The following BRINP1 variants were observed in gnomAD, a reference collection of about 807,000 sequenced individuals.
BRINP1 encodes BMP/retinoic acid inducible neural specific 1, also known as BMP/retinoic acid-inducible neural-specific protein 1.
Under a neutral mutation model 72.9 loss-of-function variants are expected in BRINP1, and 17 were observed. That is an observed-to-expected ratio of 0.23 (90% CI 0.16 to 0.35). The LOEUF (loss-of-function observed/expected upper bound fraction) is 0.35, where lower values mean the gene tolerates loss of function less well. Ranked by LOEUF, BRINP1 falls within the 10% of genes least tolerant of loss-of-function variation. The pLI is 1.00. For missense variants in BRINP1, 850 were observed against 1,001.6 expected (o/e 0.85, Z 2.04); for synonymous variants, 418 against 378.5 (o/e 1.10, Z -1.21).
chr9:119,249,001 T>C lies in BRINP1; in HGVS notation c.368A>G (p.Lys123Arg), dbSNP rs1262332125. The C allele has an allele frequency of 1.9e-6, 3 of 1,613,946 alleles. No homozygotes were observed. Among genetic ancestry groups the C allele is most frequent in the Non-Finnish European group, 2.5e-6 (3 of 1,179,972 alleles). ...TTQQFIDTII[K>R]KYGTHLLISA... is the part of the protein sequence containing the mutation. ...GATGAGCAGGTGGGTGCCGTACTTTTTGATGATGGTATCGATGAACTGCTG... is the reference window on the plus strand; with the variant it reads ...GATGAGCAGGTGGGTGCCGTACTTTCTGATGATGGTATCGATGAACTGCTG... Residue 123 changes from lysine to arginine, a missense_variant, in exon 3 of 8, where the codon AAA becomes AGA. By Grantham distance (26) the Lys-to-Arg change is conservative (BLOSUM62 2). Transcript: ENST00000265922.
chr9:119,347,038 C>G (rs1465994710), intron 1 of BRINP1, among the ~76,000 whole-genome samples: 3 of 152,146 alleles, frequency 2.0e-5, no homozygotes. Context: ...GAAAGTTGCC[C>G]ACATAGACTT....
At chr9:119,238,592 T>C (rs1245425013) in intron 5 of BRINP1, 63 bp downstream of exon 5, 2 of 981,432 alleles carry the variant, frequency 2.0e-6, no homozygotes, top group Non-Finnish European at 3.2e-6. Flanking sequence ...TGATCCCCTC[T>C]CCCACATATC....
At chr9:119,169,892 G>T (rs1221794991) in intron 7 of BRINP1, among the ~76,000 whole-genome samples, 1 of 152,086 alleles carries the variant, frequency 6.6e-6, no homozygotes, top group African/African-American at 2.4e-5. Flanking sequence ...CACAGGCAGG[G>T]TATTCCAACA....
intron 5 of BRINP1, among the ~76,000 whole-genome samples, chr9:119,218,069 A>T (rs10984444): frequency 6.6e-6 from 1 of 151,814 alleles, no homozygotes; most frequent in Non-Finnish European, 1.5e-5. Context: ...TATTTCTAAT[A>T]GTTTTTCTAT....
At chr9:119,288,196 T>C (rs1046909315) in intron 2 of BRINP1, among the ~76,000 whole-genome samples, 6 of 152,210 alleles carry the variant, frequency 3.9e-5, no homozygotes, top group African/African-American at 1.2e-4. Context: ...TCCCTTCACC[T>C]GAAGAGATTC....
chr9:119,252,134 A>G (rs935790927), intron 2 of BRINP1, among the ~76,000 whole-genome samples: 1 of 151,900 alleles, frequency 6.6e-6, no homozygotes, highest in African/African-American at 2.4e-5. Flanking sequence ...GAGATGCTCT[A>G]TGGAGACATC....
chr9:119,359,844 T>C (rs1831610366), intron 1 of BRINP1, among the ~76,000 whole-genome samples: 1 of 152,196 alleles, frequency 6.6e-6, no homozygotes, highest in South Asian at 2.1e-4. Context: ...ACAAAGAATA[T>C]GTCACATGCT....
chr9:119,206,419 CAAAAAA>C (rs56106482), intron 7 of BRINP1, among the ~76,000 whole-genome samples: 7 of 87,180 alleles, frequency 8.0e-5, no homozygotes, highest in African/African-American at 2.6e-4. Context: ...GACTCCATCT[CAAAAAA>C]AAAAAAAAAA....
chr9:119,273,809 G>GA (rs1252929937), intron 2 of BRINP1, among the ~76,000 whole-genome samples: 1 of 152,172 alleles, frequency 6.6e-6, no homozygotes, highest in Non-Finnish European at 1.5e-5. Context: ...GTAAAGCCAA[G>GA]ATGCAAAAGT....
chr9:119,254,522 G>A (rs1293409935), intron 2 of BRINP1, among the ~76,000 whole-genome samples: 1 of 152,128 alleles, frequency 6.6e-6, no homozygotes, highest in Non-Finnish European at 1.5e-5. Context: ...ATGAGTAGAG[G>A]GGTGATATGG....
At chr9:119,346,614 C>T (rs1028406235) in intron 1 of BRINP1, among the ~76,000 whole-genome samples, 1 of 151,668 alleles carries the variant, frequency 6.6e-6, no homozygotes, top group Non-Finnish European at 1.5e-5. Flanking sequence ...CAGAAAGGTA[C>T]GTACATGAAA....
At chr9:119,184,263 C>T (rs556904689) in intron 7 of BRINP1, among the ~76,000 whole-genome samples, 1 of 152,230 alleles carries the variant, frequency 6.6e-6, no homozygotes, top group African/African-American at 2.4e-5. Flanking sequence ...GGACAGCACT[C>T]GCAGTGAAGC....
chr9:119,366,506 G>A (rs1366940653), intron 1 of BRINP1, among the ~76,000 whole-genome samples: 271 of 872 alleles, frequency 0.31, 7 homozygotes, highest in East Asian at 0.42. Flanking sequence ...CCACCACCGT[G>A]TGTGTGTGTG....
intron 7 of BRINP1, among the ~76,000 whole-genome samples, chr9:119,197,300 A>G (rs969241733): frequency 2.0e-5 from 3 of 152,168 alleles, no homozygotes; most frequent in Non-Finnish European, 4.4e-5. Context: ...CCCCAGCAGG[A>G]ATGCATTTCT....
intron 2 of BRINP1, among the ~76,000 whole-genome samples, chr9:119,264,227 C>G (rs1830525337): frequency 6.6e-6 from 1 of 152,184 alleles, no homozygotes; most frequent in South Asian, 2.1e-4. Flanking sequence ...CCTTTCCAAT[C>G]AGTAGCATGT....
At chr9:119,332,086 T>C (rs1831304813) in intron 1 of BRINP1, among the ~76,000 whole-genome samples, 1 of 152,156 alleles carries the variant, frequency 6.6e-6, no homozygotes, top group Non-Finnish European at 1.5e-5. Context: ...GTCCTTCCTG[T>C]TACCTTCAAA....
intron 1 of BRINP1, among the ~76,000 whole-genome samples, chr9:119,350,153 G>A (rs1337900098): frequency 6.6e-6 from 1 of 152,116 alleles, no homozygotes; most frequent in African/African-American, 2.4e-5. Context: ...AACATCCAAC[G>A]TGTGGTGGGG....
Position 119,263,601 on chromosome 9 carries a change from C to CATT in BRINP1, c.219-14452_219-14451insAAT, listed in dbSNP as rs770303192. 3.4e-4 allele frequency among the ~76,000 whole-genome samples: 27 copies of CATT among 78,560 alleles called. 1 individual carries two copies. Among genetic ancestry groups the CATT allele is most frequent in the Middle Eastern group, 0.048 (2 of 42 alleles). 51.5% of individuals were successfully genotyped at this position (78,560 alleles called of 152,430 possible). ...CTTATAAAATACCCAGTAAACAATT[C>CATT]TTTTTTTTTTTTTTTTTTTTTTTTG... On this transcript the variant is annotated intron_variant, in intron 2 of 7. Coordinates refer to ENST00000265922, the MANE Select transcript of BRINP1 (RefSeq NM_014618.3).
At chr9:119,251,673 T>A (rs1279004692) in intron 2 of BRINP1, among the ~76,000 whole-genome samples, 1 of 14,396 alleles carries the variant, frequency 6.9e-5, no homozygotes, top group African/African-American at 1.2e-4. Flanking sequence ...CAGAAAACAT[T>A]GAGAAGGGCA....
Sources: gnomAD v4.1 joint callset for allele counts (sites outside exome capture counted in the v4.1 genomes callset) on GRCh38, gnomAD v4.1.1 for gene constraint, MANE v1.5 for transcripts, NCBI Gene and HGNC (gene_info 2026-07-23, HGNC 2026-07-21) for gene names.